The following INSL6 variants were observed in gnomAD, a reference collection of about 807,000 sequenced individuals.
INSL6 encodes the protein insulin-like peptide INSL6.
INSL6 carries 16 observed loss-of-function variants against 9.4 expected under a neutral mutation model. The observed-to-expected ratio is 1.70, with a 90% CI of 1.15 to 2.59. The LOEUF is 2.59. INSL6 is among the 30% of genes most tolerant of loss of function. INSL6 has a pLI of 0.00. For synonymous variants in INSL6, 154 were observed against 96.9 expected, an observed-to-expected ratio of 1.59 and a Z score of -3.46; for missense variants, 391 against 257.3, an observed-to-expected ratio of 1.52 and a Z score of -3.56.
the INSL6 span, chr9:5,029,779 C>G: frequency 6.2e-7 from 1 of 1,601,700 alleles, no homozygotes; most frequent in Non-Finnish European, 8.5e-7. Flanking sequence ...TGCTTCTTTT[C>G]TAGGTATCAC....
At chr9:5,072,686 T>C in the INSL6 span, 2 of 1,299,928 alleles carry the variant, frequency 1.5e-6, no homozygotes, top group Admixed American at 4.9e-5. Context: ...TGCTCTCATA[T>C]GCATACAACG....
the INSL6 span, chr9:5,044,551 G>T: frequency 7.8e-7 from 1 of 1,274,430 alleles, no homozygotes. Context: ...TTGTACATGA[G>T]TTAAATGATA....
intron 1 of INSL6, among the ~76,000 whole-genome samples, chr9:5,184,069 A>T (rs1397453630): frequency 6.6e-6 from 1 of 152,202 alleles, no homozygotes; most frequent in Non-Finnish European, 1.5e-5. Context: ...TCGGTTTGAA[A>T]ATGATCATGA....
chr9:5,127,157 T>C (rs1824051853), intron 3 of INSL6: 1 of 247,216 alleles, frequency 4.0e-6, no homozygotes, highest in African/African-American at 2.2e-5. Flanking sequence ...AATATGTATG[T>C]ATAGTTTTTA....
the INSL6 span, among the ~76,000 whole-genome samples, chr9:5,073,392 T>C: frequency 1.3e-5 from 2 of 152,214 alleles, no homozygotes; most frequent in African/African-American, 4.8e-5. Context: ...CTACCTCTAG[T>C]TGTACTTCTG....
chr9:5,148,351 T>C (rs1342132111), intron 2 of INSL6, among the ~76,000 whole-genome samples: 1 of 152,166 alleles, frequency 6.6e-6, no homozygotes. Flanking sequence ...TTGAGAGCAG[T>C]AGGTTCTTAG....
At chr9:5,063,057 A>G in the INSL6 span, among the ~76,000 whole-genome samples, 1 of 152,076 alleles carries the variant, frequency 6.6e-6, no homozygotes, top group African/African-American at 2.4e-5. Flanking sequence ...TGTGTTAGCT[A>G]AATACCTTTT....
intron 3 of INSL6, among the ~76,000 whole-genome samples, chr9:5,129,003 G>A (rs780557016): frequency 1.3e-5 from 2 of 151,908 alleles, no homozygotes; most frequent in East Asian, 1.9e-4. Flanking sequence ...ACTTTTTCAC[G>A]CTATTTATAT....
At chr9:5,072,601 A>T in the INSL6 span, 1 of 1,608,556 alleles carries the variant, frequency 6.2e-7, no homozygotes, top group Non-Finnish European at 8.5e-7. Context: ...AAAGTTCTGG[A>T]TAAAGCACAC....
At chr9:5,016,100 C>T in the INSL6 span, among the ~76,000 whole-genome samples, 3 of 150,150 alleles carry the variant, frequency 2.0e-5, no homozygotes, top group Admixed American at 6.6e-5. Flanking sequence ...TGCCAGCCGT[C>T]GCTTCCCTCC....
downstream of INSL6, chr9:5,123,159 G>A (rs1823743827): frequency 7.2e-7 from 1 of 1,380,432 alleles, no homozygotes; most frequent in Non-Finnish European, 1.0e-6. Context: ...TTTTTTGTTT[G>A]TTCGTTTGAT....
At chr9:5,154,897 C>T (rs767698469) in intron 2 of INSL6, among the ~76,000 whole-genome samples, 2 of 152,048 alleles carry the variant, frequency 1.3e-5, no homozygotes, top group Non-Finnish European at 2.9e-5. Flanking sequence ...CTAGTTCAAC[C>T]ATTGTGGAAG....
chr9:5,157,127 T>C (rs1218772665), intron 2 of INSL6, among the ~76,000 whole-genome samples: 3 of 152,078 alleles, frequency 2.0e-5, no homozygotes, highest in Non-Finnish European at 4.4e-5. Context: ...CCTGCAAAAA[T>C]GGAAAATATA....
chr9:5,085,721 T>C, the INSL6 span: 1 of 752,264 alleles, frequency 1.3e-6, no homozygotes, highest in Non-Finnish European at 2.5e-6. Flanking sequence ...TGTGGATCAT[T>C]TCTGCAATTA....
At chr9:5,022,251 G>A in the INSL6 span, 5 of 1,418,428 alleles carry the variant, frequency 3.5e-6, no homozygotes, top group South Asian at 4.6e-5. Context: ...TTTTATGCAT[G>A]GATTGTTTTA....
chr9:5,175,178 G>A (rs896315092), intron 1 of INSL6, among the ~76,000 whole-genome samples: 1 of 152,072 alleles, frequency 6.6e-6, no homozygotes, highest in African/African-American at 2.4e-5. Flanking sequence ...CTGACCTCAT[G>A]ATCCACCTGC....
the INSL6 span, chr9:5,085,531 T>G: frequency 1.4e-6 from 1 of 713,362 alleles, no homozygotes; most frequent in African/African-American, 1.7e-5. Flanking sequence ...CACCAAATCT[T>G]CAATAACTCG....
At chr9:5,036,171 G>A in the INSL6 span, among the ~76,000 whole-genome samples, 1 of 152,218 alleles carries the variant, frequency 6.6e-6, no homozygotes, top group African/African-American at 2.4e-5. Flanking sequence ...ACTTACAAGG[G>A]ATGTGAAGGA....
the INSL6 span, among the ~76,000 whole-genome samples, chr9:5,002,335 T>A: frequency 4.3e-4 from 65 of 152,106 alleles, no homozygotes; most frequent in African/African-American, 1.4e-3. Context: ...ATTTTATTGT[T>A]TATTATCATT....
Sources: gnomAD v4.1 joint callset for allele counts (sites outside exome capture counted in the v4.1 genomes callset) on GRCh38, gnomAD v4.1.1 for gene constraint, MANE v1.5 for transcripts, NCBI Gene and HGNC (gene_info 2026-07-23, HGNC 2026-07-21) for gene names.